Variants in ARHGAP32 observed in about 807,000 individuals in gnomAD.
ARHGAP32 encodes the protein rho GTPase-activating protein 32.
In ARHGAP32, 51 loss-of-function variants were observed where a neutral mutation model predicts 186.5. The observed-to-expected ratio is 0.27, with a 90% CI of 0.22 to 0.35. ARHGAP32 has a LOEUF of 0.35. Among genes scored for constraint, ARHGAP32 ranks in the 10% least tolerant of loss-of-function variants. The pLI is 1.00. For synonymous variants in ARHGAP32, 950 were observed against 964.3 expected, an observed-to-expected ratio of 0.99 and a Z score of 0.27; for missense variants, 2,186 against 2,623.5, an observed-to-expected ratio of 0.83 and a Z score of 3.64.
intron 11 of ARHGAP32, among the ~76,000 whole-genome samples, chr11:129,003,281 T>A (rs1011276585): frequency 6.6e-6 from 1 of 152,226 alleles, no homozygotes; most frequent in African/African-American, 2.4e-5. Flanking sequence ...GTTATTGAAT[T>A]CAGTTTGCTA....
At chr11:128,974,021 A>C (rs1288584020) in intron 21 of ARHGAP32, 103 bp downstream of exon 21, 19 of 1,363,982 alleles carry the variant, frequency 1.4e-5, no homozygotes, top group Non-Finnish European at 1.9e-5. Context: ...TCTTTGATTA[A>C]AGGCTAGCTG....
chr11:129,206,389 T>C (rs757143282), intron 1 of ARHGAP32, among the ~76,000 whole-genome samples: 23 of 152,240 alleles, frequency 1.5e-4, no homozygotes, highest in African/African-American at 5.1e-4. Context: ...TTTTTAAATA[T>C]TTTGTAGACA....
At chr11:129,229,881 G>A (rs982326914) in intron 1 of ARHGAP32, among the ~76,000 whole-genome samples, 19 of 152,072 alleles carry the variant, frequency 1.2e-4, no homozygotes, top group African/African-American at 4.1e-4. Context: ...AGAGTGGCGC[G>A]ATCCCCTCAC....
intron 1 of ARHGAP32, among the ~76,000 whole-genome samples, chr11:129,174,335 C>G (rs1251881046): frequency 6.6e-6 from 1 of 152,198 alleles, no homozygotes; most frequent in African/African-American, 2.4e-5. Flanking sequence ...AGTCTGAGAT[C>G]AAACTGCTAG....
rs1942591641 is a variant in ARHGAP32 at position 129,123,776 on chromosome 11, C to T, written c.359+112G>A. On this transcript the variant is annotated intron_variant, in intron 4 of 22. Transcript: ENST00000682385. The surrounding 1 kb of genome is among the most constrained non-coding windows in gnomAD (Gnocchi z 4.6). The stretch of plus-strand genomic sequence containing the variant: ...TCACCGTTATCTCCTAATTTTGACC[C>T]GAATCAATGTCCATAGAAAAACTGC... 1.2e-5 allele frequency: 11 copies of T among 925,114 alleles called. No individual in the cohort carries two copies. The highest frequency in any genetic ancestry group is 2.9e-5 in the Admixed American group (1 of 34,364). The allele number at this position is 925,114 out of a possible 1,614,324, so 57.3% of individuals were successfully genotyped here.
intron 1 of ARHGAP32, among the ~76,000 whole-genome samples, chr11:129,167,046 A>G (rs1943655301): frequency 6.6e-6 from 1 of 152,180 alleles, no homozygotes; most frequent in Non-Finnish European, 1.5e-5. Context: ...AAATAAATGT[A>G]TAACTAAAAA....
Position 128,974,391 on chromosome 11 carries a change from C to T in ARHGAP32, c.2806G>A (p.Val936Ile). The change falls in exon 21 of 23, where the codon GTC becomes ATC. Residue 936 changes from valine to isoleucine, a missense_variant. By Grantham distance (29) the Val-to-Ile change is conservative. Transcript: ENST00000682385. ...GTGGTATTTGAGACTGTACCAATGACTTCTGACACCCGTGGTGGTAGGGTC... is the reference window on the plus strand; with the variant it reads ...GTGGTATTTGAGACTGTACCAATGATTTCTGACACCCGTGGTGGTAGGGTC... ...SVTLPPRVSE[V>I]IGTVSNTTAQ... 2 of 1,614,194 alleles carry T rather than the reference C, an allele frequency of 1.2e-6. No homozygotes were observed. Among genetic ancestry groups the T allele is most frequent in the Non-Finnish European group, 8.5e-7 (1 of 1,180,016 alleles).
At chr11:129,188,688 G>A (rs542142312) in intron 1 of ARHGAP32, among the ~76,000 whole-genome samples, 1 of 147,556 alleles carries the variant, frequency 6.8e-6, no homozygotes, top group Admixed American at 6.8e-5. Flanking sequence ...AATCAATAAA[G>A]GCATTGTCCC....
chr11:129,006,226 C>G (rs534481181), intron 11 of ARHGAP32, among the ~76,000 whole-genome samples: 2 of 152,088 alleles, frequency 1.3e-5, no homozygotes, highest in Admixed American at 6.5e-5. Context: ...GTCCCTGGTG[C>G]CTTATTTACT....
rs377274403 is a variant in ARHGAP32, at chr11:128,969,632, T to C, written c.5581A>G (p.Ser1861Gly). ...AGGGATGGCTTCTCCGGCTGCGTGCTACCATGGCCTCCGTGATGGTGGGCT... is the reference window on the plus strand; with the variant it reads ...AGGGATGGCTTCTCCGGCTGCGTGCCACCATGGCCTCCGTGATGGTGGGCT... ...DRAHHHGGHG[S>G]TQPEKPSLPQ... Residue 1861 changes from serine to glycine, a missense_variant, in exon 23 of 23, where the codon AGC becomes GGC. Physicochemically the swap from Ser to Gly is moderately conservative, Grantham distance 56. Coordinates refer to ENST00000682385, the MANE Select transcript of ARHGAP32 (RefSeq NM_001378024.1). This position sits in a 1 kb window ranked among gnomAD's most constrained non-coding sequence, Gnocchi z 4.8. 7 of 1,613,998 alleles carry C rather than the reference T, an allele frequency of 4.3e-6. No individual in the cohort carries two copies. Among genetic ancestry groups the C allele is most frequent in the Non-Finnish European group, 5.9e-6 (7 of 1,180,018 alleles).
chr11:129,214,541 G>A (rs1462227193), intron 1 of ARHGAP32, among the ~76,000 whole-genome samples: 1 of 152,178 alleles, frequency 6.6e-6, no homozygotes, highest in Admixed American at 6.5e-5. Flanking sequence ...AGCACAGAGA[G>A]ATTGAGGGGA....
chr11:128,996,786 A>T (rs533862599), intron 12 of ARHGAP32, among the ~76,000 whole-genome samples: 425 of 149,928 alleles, frequency 2.8e-3, no homozygotes, highest in African/African-American at 9.5e-3. Flanking sequence ...TAAAAAGAAA[A>T]TTTTTTTTTT....
rs1565487583 is a variant in ARHGAP32 at position 129,276,296 on chromosome 11, T to TTG, written c.-5+2849_-5+2850insCA. On this transcript the variant is annotated intron_variant, in intron 1 of 6. Transcript: ENST00000525234. ...AACACGTTCTCATTCCTTATCTGTT[T>TTG]TTGTTGTTGTTGTTGTTGTTTTGAG... Among the ~76,000 whole-genome samples the TTG allele has an allele frequency of 1.1e-4, 17 of 151,818 alleles. No individual in the cohort carries two copies. In the East Asian group the frequency reaches 3.3e-3, roughly 29 times the overall value.
chr11:129,139,385 C>A (rs1392919139), intron 2 of ARHGAP32, among the ~76,000 whole-genome samples: 5 of 151,954 alleles, frequency 3.3e-5, no homozygotes, highest in African/African-American at 9.7e-5. Flanking sequence ...TATATGCTTC[C>A]CCTGCCCAAT....
At chr11:129,247,035 C>A (rs187796105) in intron 1 of ARHGAP32, among the ~76,000 whole-genome samples, 1 of 152,280 alleles carries the variant, frequency 6.6e-6, no homozygotes, top group African/African-American at 2.4e-5. Flanking sequence ...ACCTTCCACG[C>A]TCTATAGTAA....
At chr11:129,191,664 A>T in intron 1 of ARHGAP32, among the ~76,000 whole-genome samples, 1 of 83,880 alleles carries the variant, frequency 1.2e-5, no homozygotes, top group African/African-American at 3.7e-5. Context: ...GCAGGCAGGC[A>T]GGCACGCACA....
chr11:128,969,193 T>C lies in ARHGAP32; in HGVS notation c.6020A>G (p.His2007Arg), dbSNP rs139030413. ...PERSHSLKLH[H>R]TQNVERDPSV... ...GGGGTCCCTCTCCACGTTCTGGGTA[T>C]GATGGAGTTTGAGGCTATGACTCCT... The change falls in exon 23 of 23, where the codon CAT (histidine) becomes CGT (arginine). Residue 2007 changes from histidine (H) to arginine (R), a missense_variant. Transcript: ENST00000682385. This position sits in a 1 kb window ranked among gnomAD's most constrained non-coding sequence, Gnocchi z 4.8. 198 of 1,613,952 alleles carry C rather than the reference T, an allele frequency of 1.2e-4. No individual in the cohort carries two copies. The African/African-American group carries it at 2.3e-3, about 19-fold the overall frequency.
chr11:129,076,395 C>T (rs1028748102), intron 6 of ARHGAP32, among the ~76,000 whole-genome samples: 2 of 152,114 alleles, frequency 1.3e-5, no homozygotes, highest in African/African-American at 4.8e-5. Flanking sequence ...GTGCAATATC[C>T]AAGAACCCTC....
chr11:129,042,866 G>A (rs867495225), intron 10 of ARHGAP32, among the ~76,000 whole-genome samples: 1 of 152,122 alleles, frequency 6.6e-6, no homozygotes, highest in Non-Finnish European at 1.5e-5. Context: ...AAGAGGACTT[G>A]GGGGGATGAA....
Sources: allele counts gnomAD v4.1 joint callset (sites outside exome capture counted in the v4.1 genomes callset), GRCh38; gene constraint gnomAD v4.1.1; non-coding constraint Gnocchi (gnomAD v3.1); transcripts MANE v1.5; gene names NCBI Gene and HGNC (gene_info 2026-07-23, HGNC 2026-07-21).